The following ZNF316 variants were observed in gnomAD, a reference collection of about 807,000 sequenced individuals.
ZNF316 encodes the protein zinc finger protein 316.
In ZNF316, 23 loss-of-function variants were observed where a neutral mutation model predicts 75.6. The ratio of observed to expected loss-of-function variants is 0.30; its 90% CI spans 0.22 to 0.43. ZNF316 has a LOEUF of 0.43. Ranked by LOEUF, ZNF316 falls within the 20% of genes least tolerant of loss-of-function variation. ZNF316 has a pLI of 1.00. For synonymous variants in ZNF316, 827 were observed against 666.2 expected (o/e 1.24, Z -3.72); for missense variants, 1,266 against 1,409.4 (o/e 0.90, Z 1.63).
intron 8 of ZNF316, among the ~76,000 whole-genome samples, chr7:6,645,107 C>T (rs932379419): frequency 6.6e-6 from 1 of 152,234 alleles, no homozygotes; most frequent in African/African-American, 2.4e-5. Flanking sequence ...AGAAGGCGTT[C>T]AGGGTGGTGA....
Position 6,640,656 on chromosome 7 carries a change from C to T in ZNF316, c.-166-1169C>T, listed in dbSNP as rs865997323. On this transcript the variant is annotated intron_variant, in intron 3 of 8. Coordinates refer to ENST00000382252, the MANE Select transcript of ZNF316 (RefSeq NM_001278559.2). The surrounding 1 kb of genome is among the most constrained non-coding windows in gnomAD (Gnocchi z 5.1). ...CAGGCTCCATCAGTCCCCTTCCAGT[C>T]TCACGCTGAAGCATGATTTCCAGTG... is the stretch of plus-strand genomic sequence containing the variant. Among the ~76,000 whole-genome samples the T allele has an allele frequency of 8.5e-5, 13 of 152,314 alleles. No homozygotes were observed. The highest frequency in any genetic ancestry group is 3.9e-4 in the Admixed American group (6 of 15,308).
intron 7 of ZNF316, 138 bp downstream of exon 7, chr7:6,644,086 G>T: frequency 5.1e-6 from 5 of 975,218 alleles, no homozygotes; most frequent in Non-Finnish European, 6.6e-6. Flanking sequence ...TCCCAGGGAA[G>T]CCCTAGGACC....
chr7:6,650,112 G>T (rs1779481116), intron 8 of ZNF316, among the ~76,000 whole-genome samples: 2 of 152,196 alleles, frequency 1.3e-5, no homozygotes, highest in South Asian at 4.1e-4. Context: ...CCGTTTGGAG[G>T]GGTCTCTAAA....
Position 6,653,252 on chromosome 7 carries a change from G to A in ZNF316, c.1656G>A (p.Ala552=), listed in dbSNP as rs958482466. 1.2e-4 allele frequency: 149 copies of A among 1,226,832 alleles called. 1 individual carries two copies. Among genetic ancestry groups the A allele is most frequent in the Non-Finnish European group, 1.4e-4 (142 of 985,288 alleles). 76.0% of individuals were successfully genotyped at this position (1,226,832 alleles called of 1,614,324 possible). A position where few individuals can be genotyped will look rare whatever the true frequency, so the allele number is the denominator to read the frequency against. Reference sequence around the variant, plus strand: ...AGGCGGACGGAGAGGCGGAGGCCGCGGCCGAGGAGAGAGAGGAGGCGGCGG... The same window carrying A: ...AGGCGGACGGAGAGGCGGAGGCCGCAGCCGAGGAGAGAGAGGAGGCGGCGG... ...VGEADGEAEA[A]AEEREEAAVA... Residue 552 remains alanine, a synonymous_variant, in exon 9 of 9, where the codon GCG becomes GCA. Coordinates refer to ENST00000382252, the MANE Select transcript of ZNF316 (RefSeq NM_001278559.2).
Position 6,653,939 on chromosome 7 carries a change from T to C in ZNF316, c.2343T>C (p.Gly781=). Residue 781 remains glycine (G), a synonymous_variant, in exon 9 of 9, where the codon GGT becomes GGC. Coordinates refer to ENST00000382252, the MANE Select transcript of ZNF316 (RefSeq NM_001278559.2). ...AGCCGTTCGTGTGCGGCGTGTGCGG[T>C]GCGGGGTTCAGCCGTCGCGCGCACT... is the stretch of plus-strand genomic sequence containing the variant. ...GEKPFVCGVC[G]AGFSRRAHLT... is the part of the protein sequence containing the mutation. 1.7e-6 allele frequency: 2 copies of C among 1,143,822 alleles called. No individual in the cohort carries two copies. Among genetic ancestry groups the C allele is most frequent in the Non-Finnish European group, 1.1e-6 (1 of 934,112 alleles). 70.9% of individuals were successfully genotyped at this position (1,143,822 alleles called of 1,614,324 possible).
intron 8 of ZNF316, among the ~76,000 whole-genome samples, chr7:6,651,901 C>G (rs1779513950): frequency 6.6e-6 from 1 of 152,208 alleles, no homozygotes; most frequent in Non-Finnish European, 1.5e-5. Flanking sequence ...GCGTCTCCAC[C>G]TGGTTTTCTC....
intron 6 of ZNF316, 29 bp from the exon 7 acceptor site, chr7:6,643,793 G>T (rs535980743): frequency 1.2e-5 from 15 of 1,233,364 alleles, no homozygotes; most frequent in Admixed American, 8.4e-5. Flanking sequence ...GGCTCCCTCA[G>T]CCTCTCACCT....
In ZNF316 at chr7:6,642,039, T is replaced by C; in HGVS notation, c.-29+77T>C. ...CATGGGCCACCCTCGGGCTGTGTGA[T>C]GCTTCCTTGTGGATAAAGACTGGGA... On this transcript the variant is annotated intron_variant, in intron 4 of 8. Coordinates refer to ENST00000382252, the MANE Select transcript of ZNF316 (RefSeq NM_001278559.2). The surrounding 1 kb of genome is among the most constrained non-coding windows in gnomAD (Gnocchi z 8.1). 5.4e-6 allele frequency: 1 copy of C among 185,694 alleles called. No individual in the cohort carries two copies. Among genetic ancestry groups the C allele is most frequent in the Non-Finnish European group, 1.1e-5 (1 of 90,566 alleles). The allele number at this position is 185,694 out of a possible 1,614,324, so 11.5% of individuals were successfully genotyped here.
In ZNF316 at chr7:6,652,760, G is replaced by A; in HGVS notation, c.1164G>A (p.Leu388=). The stretch of plus-strand genomic sequence containing the variant: ...AGGGCTTCGTGTACCGCTCGCACTT[G>A]GCCATCCACCAGCGCACGCACACCG... ...CGKGFVYRSH[L]AIHQRTHTGE... The change falls in exon 9 of 9, where the codon TTG becomes TTA. Residue 388 remains leucine (L), a synonymous_variant. Transcript: ENST00000382252. 7.9e-7 allele frequency: 1 copy of A among 1,266,860 alleles called. No homozygotes were observed. The highest frequency in any genetic ancestry group is 9.9e-7 in the Non-Finnish European group (1 of 1,005,738). 78.5% of individuals were successfully genotyped at this position (1,266,860 alleles called of 1,614,324 possible). A position where few individuals can be genotyped will look rare whatever the true frequency, so the allele number is the denominator to read the frequency against.
rs1403560023 is a variant in ZNF316, at chr7:6,637,701, C to G, written c.-430-145C>G. 6.6e-6 allele frequency: 1 copy of G among 151,562 alleles called. No individual in the cohort carries two copies. Among genetic ancestry groups the G allele is most frequent in the Non-Finnish European group, 1.5e-5 (1 of 67,850 alleles). The allele number at this position is 151,562 out of a possible 1,614,324, so 9.4% of individuals were successfully genotyped here. ...GCGTTGCCGACCCCCGGGGCCGGTC[C>G]GGGCAGGAGGCGGAGGGGGCAGGCC... On this transcript the variant is annotated intron_variant, in intron 1 of 8. Coordinates refer to ENST00000382252, the MANE Select transcript of ZNF316 (RefSeq NM_001278559.2). This position sits in a 1 kb window ranked among gnomAD's most constrained non-coding sequence, Gnocchi z 6.2.
Position 6,653,286 on chromosome 7 carries a change from C to G in ZNF316, c.1690C>G (p.Pro564Ala). The change falls in exon 9 of 9, where the codon CCC becomes GCC. Residue 564 changes from proline (P) to alanine (A), a missense_variant. Coordinates refer to ENST00000382252, the MANE Select transcript of ZNF316 (RefSeq NM_001278559.2). ...EEREEAAVAA[P>A]TPSGKVDPAP... ...GAGAGAGGAGGCGGCGGTGGCGGCG[C>G]CCACCCCCAGCGGCAAGGTGGACCC... 1 of 1,227,436 alleles carries G rather than the reference C, an allele frequency of 8.1e-7. No homozygotes were observed. Among genetic ancestry groups the G allele is most frequent in the Non-Finnish European group, 1.0e-6 (1 of 985,932 alleles). 76.0% of individuals were successfully genotyped at this position (1,227,436 alleles called of 1,614,324 possible). A position where few individuals can be genotyped will look rare whatever the true frequency, so the allele number is the denominator to read the frequency against.
chr7:6,653,811 C>T lies in ZNF316; in HGVS notation c.2215C>T (p.Arg739Cys). The T allele has an allele frequency of 9.3e-7, 1 of 1,080,052 alleles. No individual in the cohort carries two copies. The highest frequency in any genetic ancestry group is 1.1e-6 in the Non-Finnish European group (1 of 888,432). The allele number at this position is 1,080,052 out of a possible 1,614,324, so 66.9% of individuals were successfully genotyped here. A position where few individuals can be genotyped will look rare whatever the true frequency, so the allele number is the denominator to read the frequency against. ...VYGSHLARHR[R>C]THTGERPFPC... The stretch of plus-strand genomic sequence containing the variant: ...CGGCTCGCACCTGGCGCGCCACCGG[C>T]GCACACACACCGGCGAGCGGCCCTT... Residue 739 changes from arginine (R) to cysteine (C), a missense_variant, in exon 9 of 9, where the codon CGC becomes TGC. Around this residue, in one of 3 missense-constraint regions of ZNF316, gnomAD observed 194 missense variants for 319.2 expected, o/e 0.61. Coordinates refer to ENST00000382252, the MANE Select transcript of ZNF316 (RefSeq NM_001278559.2).
chr7:6,640,273 C>T lies in ZNF316; in HGVS notation c.-167+1132C>T, dbSNP rs939121110. 6.6e-6 allele frequency among the ~76,000 whole-genome samples: 1 copy of T among 152,126 alleles called. No individual in the cohort carries two copies. Among genetic ancestry groups the T allele is most frequent in the African/African-American group, 2.4e-5 (1 of 41,418 alleles). On this transcript the variant is annotated intron_variant, in intron 3 of 8. Coordinates refer to ENST00000382252, the MANE Select transcript of ZNF316 (RefSeq NM_001278559.2). The surrounding 1 kb of genome is among the most constrained non-coding windows in gnomAD (Gnocchi z 5.1). ...TGTAAAGAAATACCTGAGACTGGGT[C>T]ATTTATAAAGAAGAGGTGAGACTGG...
chr7:6,648,176 A>G (rs1045160105), intron 8 of ZNF316, among the ~76,000 whole-genome samples: 18 of 152,072 alleles, frequency 1.2e-4, no homozygotes, highest in African/African-American at 3.9e-4. Context: ...GGGCCTTGGC[A>G]CTGCACCAGC....
chr7:6,648,512 C>T (rs1330493862), intron 8 of ZNF316, among the ~76,000 whole-genome samples: 1 of 152,218 alleles, frequency 6.6e-6, no homozygotes, highest in Non-Finnish European at 1.5e-5. Flanking sequence ...AGTGGAGGTG[C>T]TTCTGCAGCC....
Position 6,653,638 on chromosome 7 carries a change from C to T in ZNF316, c.2042C>T (p.Pro681Leu). Residue 681 changes from proline to leucine, a missense_variant, in exon 9 of 9, where the codon CCG (proline) becomes CTG (leucine). By Grantham distance (98) the Pro-to-Leu change is moderately conservative. Transcript: ENST00000382252. ...GGGGGTCTGCTGGCGGAGCCCGCGC[C>T]GGCCGCGCTGGCGGAGGAGGAGAGC... ...AIGGLLAEPA[P>L]AALAEEESPW... The T allele has an allele frequency of 6.6e-6, 7 of 1,064,800 alleles. No individual in the cohort carries two copies. Among genetic ancestry groups the T allele is most frequent in the Non-Finnish European group, 6.8e-6 (6 of 879,692 alleles). The allele number at this position is 1,064,800 out of a possible 1,614,324, so 66.0% of individuals were successfully genotyped here.
At position 6,653,555 on chromosome 7, in the gene ZNF316, C is replaced by T. The variant is rs1182635150; in HGVS notation, c.1959C>T (p.Phe653=). The T allele has an allele frequency of 2.0e-4, 232 of 1,174,834 alleles. No individual in the cohort carries two copies. The highest frequency in any genetic ancestry group is 1.0e-3 in the Middle Eastern group (3 of 2,880). The allele number at this position is 1,174,834 out of a possible 1,614,324, so 72.8% of individuals were successfully genotyped here. A position where few individuals can be genotyped will look rare whatever the true frequency, so the allele number is the denominator to read the frequency against. ...GTACCGGGCTGGCGTGCGACCCTTT[C>T]GGCGGCGGCGGGGCCGCGGGCGGCG... ...VEGTGLACDP[F]GGGGAAGGGG... is the part of the protein sequence containing the mutation. Residue 653 remains phenylalanine, a synonymous_variant, in exon 9 of 9, where the codon TTC becomes TTT. Coordinates refer to ENST00000382252, the MANE Select transcript of ZNF316 (RefSeq NM_001278559.2).
At chr7:6,645,993 CAA>C (rs58670070) in intron 8 of ZNF316, among the ~76,000 whole-genome samples, 15,916 of 98,522 alleles carry the variant, frequency 0.16, 954 homozygotes, top group Middle Eastern at 0.25. Flanking sequence ...GACGCCATCT[CAA>C]AAAAAAAAAA....
rs1053672966 is a variant in ZNF316, at chr7:6,642,629, G to A, written c.220G>A (p.Glu74Lys). The A allele has an allele frequency of 3.3e-5, 41 of 1,233,542 alleles. No individual in the cohort carries two copies. Among genetic ancestry groups the A allele is most frequent in the Admixed American group, 1.3e-4 (3 of 23,776 alleles). The allele number at this position is 1,233,542 out of a possible 1,614,324, so 76.4% of individuals were successfully genotyped here. A position where few individuals can be genotyped will look rare whatever the true frequency, so the allele number is the denominator to read the frequency against. Residue 74 changes from glutamate to lysine, a missense_variant, in exon 5 of 9, where the codon GAG (glutamate) becomes AAG (lysine). Glu to Lys is a moderately conservative substitution (Grantham distance 56). Transcript: ENST00000382252. This position sits in a 1 kb window ranked among gnomAD's most constrained non-coding sequence, Gnocchi z 8.1. ...VQDAQVEAVA[E>K]VEVEADVEEE... The stretch of plus-strand genomic sequence containing the variant: ...GGATGCGCAGGTGGAGGCGGTGGCC[G>A]AGGTGGAGGTGGAGGCGGACGTGGA...
Sources: allele counts gnomAD v4.1 joint callset (sites outside exome capture counted in the v4.1 genomes callset), GRCh38; gene constraint gnomAD v4.1.1; regional missense constraint gnomAD v4.1.1; non-coding constraint Gnocchi (gnomAD v3.1); transcripts MANE v1.5; gene names NCBI Gene and HGNC (gene_info 2026-07-23, HGNC 2026-07-21).